TEX15: variants seen among roughly 807,000 people sequenced by gnomAD.
The protein encoded by TEX15 is testis-expressed protein 15.
TEX15 carries 171 observed loss-of-function variants against 237.3 expected under a neutral mutation model. The observed-to-expected ratio is 0.72, with a 90% CI of 0.64 to 0.82. TEX15 has a LOEUF of 0.82. Among genes scored for constraint, TEX15 ranks in the 40% least tolerant of loss-of-function variants. The pLI is 0.00. For missense variants in TEX15, 3,750 were observed against 3,646.5 expected (o/e 1.03, Z -0.73); for synonymous variants, 1,338 against 1,269.8 (o/e 1.05, Z -1.14).
intron 4 of TEX15, among the ~76,000 whole-genome samples, chr8:30,874,466 A>G (rs1808360399): frequency 1.3e-5 from 2 of 152,312 alleles, no homozygotes; most frequent in South Asian, 4.1e-4. Flanking sequence ...TTAAAAAATT[A>G]TGTGTGAGAA....
At chr8:30,893,459 T>G (rs1009530363) in intron 2 of TEX15, among the ~76,000 whole-genome samples, 1 of 152,262 alleles carries the variant, frequency 6.6e-6, no homozygotes, top group African/African-American at 2.4e-5. Context: ...TCTTCCCATC[T>G]GATTCTTATG....
At position 30,838,773 on chromosome 8, in the gene TEX15, CATATATATATATATATATATATATAT is replaced by C. The variant is rs34610592; in HGVS notation, c.8223-738_8223-713del. ...ATGTGTATGTGTGTATATATAAAAA[CATATATATATATATATATATATATAT>C]ATATATATATATATATATATATGAA... On this transcript the variant is annotated intron_variant, in intron 9 of 10. Transcript: ENST00000643185. 1.4e-3 allele frequency among the ~76,000 whole-genome samples: 93 copies of C among 65,470 alleles called. 3 individuals are homozygous for C. The highest frequency in any genetic ancestry group is 3.3e-3 in the East Asian group (6 of 1,826). 43.0% of individuals were successfully genotyped at this position (65,470 alleles called of 152,430 possible).
intron 7 of TEX15, among the ~76,000 whole-genome samples, chr8:30,855,962 T>C (rs1490739980): frequency 6.6e-6 from 1 of 152,100 alleles, no homozygotes. Flanking sequence ...TTCTTTTTTT[T>C]TGAGACAGAG....
At chr8:30,888,752 G>C in intron 2 of TEX15, 1 of 943,172 alleles carries the variant, frequency 1.1e-6, no homozygotes, top group South Asian at 1.4e-5. Flanking sequence ...CAAAGGATAA[G>C]GTTCTAAGAA....
intron 3 of TEX15, among the ~76,000 whole-genome samples, chr8:30,877,454 CAATATAA>C (rs1808424494): frequency 6.6e-6 from 1 of 152,086 alleles, no homozygotes; most frequent in Non-Finnish European, 1.5e-5. Flanking sequence ...ATGACAAAAA[CAATATAA>C]AACACTATAA....
At chr8:30,863,119 A>G (rs1394376092) in intron 5 of TEX15, among the ~76,000 whole-genome samples, 2 of 152,160 alleles carry the variant, frequency 1.3e-5, no homozygotes, top group African/African-American at 4.8e-5. Flanking sequence ...AATGCTTAAA[A>G]CCAGAATGTT....
At chr8:30,858,950 A>G (rs530830011) in intron 6 of TEX15, 120 bp from the exon 7 acceptor site, 118 of 646,378 alleles carry the variant, frequency 1.8e-4, no homozygotes, top group Middle Eastern at 1.3e-3. Context: ...AAACTTCTCC[A>G]GCTGCCTTGT....
At chr8:30,862,607 G>C (rs1585295427) in intron 5 of TEX15, among the ~76,000 whole-genome samples, 1 of 152,032 alleles carries the variant, frequency 6.6e-6, no homozygotes, top group South Asian at 2.1e-4. Context: ...TGCTTAATTT[G>C]ATATTTGAGG....
At chr8:30,909,025 G>A (rs1269341669) in intron 1 of TEX15, among the ~76,000 whole-genome samples, 2 of 152,040 alleles carry the variant, frequency 1.3e-5, no homozygotes, top group Non-Finnish European at 2.9e-5. Context: ...GAGCTCACAA[G>A]CTTACTTTTA....
intron 7 of TEX15, among the ~76,000 whole-genome samples, chr8:30,856,113 G>C (rs1222813061): frequency 6.6e-6 from 1 of 151,946 alleles, no homozygotes; most frequent in Non-Finnish European, 1.5e-5. Context: ...GCCCAACTAA[G>C]TTTTGTATTT....
In TEX15 at chr8:30,843,719, C is replaced by T. The variant is rs1246098356; in HGVS notation, c.6448G>A (p.Val2150Ile). ...CTTTTTGTTTCTTCAAGCAATTCAA[C>T]TAATTGATCATGGTAAGTCTGTAAC... Reference protein sequence around the residue: ...CELQTYHDQLVELLEETKREK... With the variant: ...CELQTYHDQLIELLEETKREK... The change falls in exon 8 of 11, where the codon GTT (valine) becomes ATT (isoleucine). Residue 2150 changes from valine (V) to isoleucine (I), a missense_variant. By Grantham distance (29) the Val-to-Ile change is conservative. Coordinates refer to ENST00000643185, the MANE Select transcript of TEX15 (RefSeq NM_001350162.2). 1.2e-6 allele frequency: 2 copies of T among 1,610,562 alleles called. No homozygotes were observed. The highest frequency in any genetic ancestry group is 1.7e-6 in the Non-Finnish European group (2 of 1,178,446).
In TEX15 at chr8:30,892,476, C is replaced by T. The variant is rs147610492; in HGVS notation, c.-9-5165G>A. ...ACTTTTATACACATTTTAAATTAGG[C>T]CTATCTAACAATAAATCTTGTTTAG... On this transcript the variant is annotated intron_variant, in intron 2 of 10. Transcript: ENST00000643185. Among the ~76,000 whole-genome samples the T allele has an allele frequency of 4.5e-3, 680 of 152,132 alleles. 5 individuals are homozygous for T. Among genetic ancestry groups the T allele is most frequent in the Non-Finnish European group, 6.1e-3 (418 of 67,996 alleles).
At chr8:30,840,296 A>C (rs1458310550) in intron 8 of TEX15, among the ~76,000 whole-genome samples, 4 of 151,870 alleles carry the variant, frequency 2.6e-5, no homozygotes, top group Admixed American at 2.6e-4. Context: ...ACTGGGTGCA[A>C]GCGATTCTCC....
chr8:30,876,326 C>G (rs1170412112), intron 3 of TEX15, among the ~76,000 whole-genome samples: 5 of 152,178 alleles, frequency 3.3e-5, no homozygotes, highest in Non-Finnish European at 7.3e-5. Context: ...CATATTGCAT[C>G]TATCACCTTT....
intron 4 of TEX15, among the ~76,000 whole-genome samples, chr8:30,868,532 A>G (rs983894477): frequency 3.9e-5 from 6 of 152,050 alleles, no homozygotes; most frequent in Admixed American, 6.6e-5. Context: ...TTTGAAGTAT[A>G]CCATGCACAT....
At chr8:30,906,671 G>A (rs1585319102) in intron 1 of TEX15, among the ~76,000 whole-genome samples, 1 of 151,858 alleles carries the variant, frequency 6.6e-6, no homozygotes, top group Non-Finnish European at 1.5e-5. Context: ...AAGCAGGCAT[G>A]TAATACCTTA....
rs566295708 is a variant in TEX15 at position 30,906,610 on chromosome 8, A to G, written c.-86+6269T>C. 1.2e-3 allele frequency among the ~76,000 whole-genome samples: 189 copies of G among 151,452 alleles called. 1 individual carries two copies. Among genetic ancestry groups the G allele is most frequent in the Middle Eastern group, 3.4e-3 (1 of 294 alleles). On this transcript the variant is annotated intron_variant, in intron 1 of 10. Transcript: ENST00000643185. ...ATCTCAAAAGAAAAAAAAAAAAAAA[A>G]AGAGAGAGAGAACAAGCATATATTA... is the stretch of plus-strand genomic sequence containing the variant.
intron 5 of TEX15, among the ~76,000 whole-genome samples, chr8:30,860,268 A>T (rs323361): frequency 0.014 from 2,121 of 151,706 alleles, 47 homozygotes; most frequent in African/African-American, 0.049. Flanking sequence ...ACTACAGGTA[A>T]GCACCACCGT....
At chr8:30,906,169 T>A (rs1809099537) in intron 1 of TEX15, among the ~76,000 whole-genome samples, 1 of 152,228 alleles carries the variant, frequency 6.6e-6, no homozygotes, top group Admixed American at 6.5e-5. Context: ...TTTAATCAAA[T>A]AAAGAGGCAT....
Sources: gnomAD v4.1 joint callset for allele counts (sites outside exome capture counted in the v4.1 genomes callset) on GRCh38, gnomAD v4.1.1 for gene constraint, MANE v1.5 for transcripts, NCBI Gene and HGNC (gene_info 2026-07-23, HGNC 2026-07-21) for gene names.